The following FAT3 variants were observed in gnomAD, a reference collection of about 807,000 sequenced individuals.
FAT3 encodes the protein FAT atypical cadherin 3.
FAT3 carries 95 observed loss-of-function variants against 310.2 expected under a neutral mutation model. That is an observed-to-expected ratio of 0.31 (90% CI 0.26 to 0.36). The LOEUF is 0.36. Among genes scored for constraint, FAT3 ranks in the 10% least tolerant of loss-of-function variants. FAT3 has a pLI of 1.00. For synonymous variants in FAT3, 2,314 were observed against 2,192.9 expected (o/e 1.06, Z -1.54); for missense variants, 5,408 against 5,715.6 (o/e 0.95, Z 1.74).
rs1356830626 is a variant in FAT3, at chr11:92,413,329, A to G, written c.3292+57925A>G. Among the ~76,000 whole-genome samples, 9 of 152,178 alleles carry G rather than the reference A, an allele frequency of 5.9e-5. No individual in the cohort carries two copies. In the East Asian group the frequency reaches 1.7e-3, roughly 29 times the overall value. Reference sequence around the variant, plus strand: ...CTCTTTCCTGAAATTTACTGTGCTGATAAGGTGTTATATATAAAAGAACGT... The same window carrying G: ...CTCTTTCCTGAAATTTACTGTGCTGGTAAGGTGTTATATATAAAAGAACGT... On this transcript the variant is annotated intron_variant, in intron 2 of 27. Coordinates refer to ENST00000525166, the MANE Select transcript of FAT3 (RefSeq NM_001367949.2).
chr11:92,628,876 A>G (rs1031454201), intron 3 of FAT3, among the ~76,000 whole-genome samples: 2 of 152,226 alleles, frequency 1.3e-5, no homozygotes, highest in African/African-American at 4.8e-5. Context: ...ACGTGTGTGC[A>G]CAGGCACACG....
chr11:92,252,252 C>G (rs1865167524), intron 1 of FAT3, among the ~76,000 whole-genome samples: 1 of 152,158 alleles, frequency 6.6e-6, no homozygotes, highest in African/African-American at 2.4e-5. Context: ...GCAACTTTGC[C>G]TAACACTAGC....
At chr11:92,241,216 T>C in intron 1 of FAT3, among the ~76,000 whole-genome samples, 1 of 152,102 alleles carries the variant, frequency 6.6e-6, no homozygotes, top group South Asian at 2.1e-4. Flanking sequence ...CTTTGGACTT[T>C]CTATCTGAGG....
At chr11:92,417,273 C>T (rs1018037644) in intron 2 of FAT3, among the ~76,000 whole-genome samples, 3 of 152,116 alleles carry the variant, frequency 2.0e-5, no homozygotes, top group African/African-American at 7.2e-5. Flanking sequence ...GGTTGTGTTT[C>T]TTATTAGATA....
intron 2 of FAT3, among the ~76,000 whole-genome samples, chr11:92,496,820 A>C (rs1036377825): frequency 4.0e-5 from 6 of 151,430 alleles, no homozygotes; most frequent in African/African-American, 1.5e-4. Context: ...GTTTTAAGAG[A>C]CTCTCTGGTT....
At chr11:92,232,639 T>G (rs1489903643) in intron 1 of FAT3, among the ~76,000 whole-genome samples, 2 of 144,646 alleles carry the variant, frequency 1.4e-5, no homozygotes. Context: ...TTTTTTTTTT[T>G]TTTTTTTTTT....
intron 2 of FAT3, among the ~76,000 whole-genome samples, chr11:92,468,669 C>T (rs1205864091): frequency 1.3e-5 from 2 of 152,100 alleles, no homozygotes; most frequent in African/African-American, 2.4e-5. Context: ...AGGAAACTTA[C>T]AGTCATGGTG....
At position 92,809,898 on chromosome 11, in the gene FAT3, G is replaced by C; in HGVS notation, c.9303G>C (p.Leu3101=). 6.2e-7 allele frequency: 1 copy of C among 1,614,026 alleles called. No homozygotes were observed. The highest frequency in any genetic ancestry group is 8.5e-7 in the Non-Finnish European group (1 of 1,179,872). ...LDRERIPVYS[L]MAKATDGGGR... ...GGGAGAGGATCCCCGTGTACAGCCT[G>C]ATGGCCAAGGCCACTGACGGGGGTG... The change falls in exon 13 of 28, where the codon CTG becomes CTC. Residue 3101 remains leucine, a synonymous_variant. Transcript: ENST00000525166.
chr11:92,259,355 T>A (rs1591019035), intron 1 of FAT3, among the ~76,000 whole-genome samples: 1 of 152,082 alleles, frequency 6.6e-6, no homozygotes, highest in African/African-American at 2.4e-5. Context: ...CTGAAGGGTA[T>A]GTTAATTATT....
chr11:92,395,567 C>T (rs1037883146), intron 2 of FAT3, among the ~76,000 whole-genome samples: 5 of 151,750 alleles, frequency 3.3e-5, no homozygotes, highest in African/African-American at 1.2e-4. Context: ...TCCCTATGAC[C>T]CAGATTCAGT....
At chr11:92,391,992 A>G (rs940393881) in intron 2 of FAT3, among the ~76,000 whole-genome samples, 5 of 152,180 alleles carry the variant, frequency 3.3e-5, no homozygotes, top group African/African-American at 1.2e-4. Context: ...ATGGCTCAGA[A>G]TGCTCACTTG....
intron 2 of FAT3, among the ~76,000 whole-genome samples, chr11:92,475,550 CTT>C (rs1374127489): frequency 6.6e-6 from 1 of 151,870 alleles, no homozygotes; most frequent in African/African-American, 2.4e-5. Context: ...AACTCTCACT[CTT>C]ATGTATGGAA....
In FAT3 at chr11:92,408,797, A is replaced by T. The variant is rs187129265; in HGVS notation, c.3292+53393A>T. 7.2e-5 allele frequency among the ~76,000 whole-genome samples: 11 copies of T among 152,292 alleles called. No individual in the cohort carries two copies. The East Asian group carries it at 1.9e-3, about 27-fold the overall frequency. ...AAATGAGAGGATTAGAAAGCATATG[A>T]ACTCCTATGGAAATTACGGCATAGC... On this transcript the variant is annotated intron_variant, in intron 2 of 27. Coordinates refer to ENST00000525166, the MANE Select transcript of FAT3 (RefSeq NM_001367949.2).
At chr11:92,533,419 A>T (rs1954145498) in intron 3 of FAT3, among the ~76,000 whole-genome samples, 1 of 152,130 alleles carries the variant, frequency 6.6e-6, no homozygotes, top group African/African-American at 2.4e-5. Context: ...GATAGGAAGT[A>T]ATTTGACTCC....
At position 92,891,352 on chromosome 11, in the gene FAT3, A is replaced by C. The variant is rs1201442032; in HGVS notation, c.*239A>C. 5 of 564,648 alleles carry C rather than the reference A, an allele frequency of 8.9e-6. No homozygotes were observed. The allele number at this position is 564,648 out of a possible 1,614,324, so 35.0% of individuals were successfully genotyped here. A position where few individuals can be genotyped will look rare whatever the true frequency, so the allele number is the denominator to read the frequency against. ...CTGGTAATCCTTGATGTAGGTACCT[A>C]TGTTCACAGCTAAAAATGCAAAGAG... On this transcript the variant is annotated 3_prime_UTR_variant, in exon 28 of 28. Coordinates refer to ENST00000525166, the MANE Select transcript of FAT3 (RefSeq NM_001367949.2).
chr11:92,711,562 C>G (rs1944522181), intron 4 of FAT3, among the ~76,000 whole-genome samples: 1 of 152,124 alleles, frequency 6.6e-6, no homozygotes, highest in African/African-American at 2.4e-5. Flanking sequence ...CAGATTATTT[C>G]CAATACTTGA....
At chr11:92,476,770 T>C (rs1226676224) in intron 2 of FAT3, among the ~76,000 whole-genome samples, 3 of 152,222 alleles carry the variant, frequency 2.0e-5, no homozygotes, top group African/African-American at 4.8e-5. Context: ...GTGGGTACTA[T>C]GAATACTCTG....
intron 19 of FAT3, among the ~76,000 whole-genome samples, chr11:92,853,157 C>T (rs1344182697): frequency 6.6e-6 from 1 of 152,248 alleles, no homozygotes. Flanking sequence ...CCACTGCGCA[C>T]AGCCAGGCAT....
chr11:92,871,472 T>A (rs1949389765), intron 22 of FAT3, among the ~76,000 whole-genome samples: 1 of 152,220 alleles, frequency 6.6e-6, no homozygotes, highest in Non-Finnish European at 1.5e-5. Context: ...TATCTCCCTG[T>A]CTCTGAACTG....
Sources: allele counts gnomAD v4.1 joint callset (sites outside exome capture counted in the v4.1 genomes callset), GRCh38; gene constraint gnomAD v4.1.1; transcripts MANE v1.5; gene names NCBI Gene and HGNC (gene_info 2026-07-23, HGNC 2026-07-21).